PCBP3: variants seen among roughly 807,000 people sequenced by gnomAD.
PCBP3 encodes the protein poly(rC)-binding protein 3.
In PCBP3, 25 loss-of-function variants were observed where a neutral mutation model predicts 52.7. That is an observed-to-expected ratio of 0.47 (90% CI 0.35 to 0.66). PCBP3 has a LOEUF of 0.66. Among genes scored for constraint, PCBP3 ranks in the 30% least tolerant of loss-of-function variants. PCBP3 has a pLI of 0.01. For synonymous variants in PCBP3, 162 were observed against 183.0 expected (o/e 0.89, Z 0.93); for missense variants, 391 against 490.3 (o/e 0.80, Z 1.91).
At chr21:45,927,693 T>G (rs1341551127) in intron 13 of PCBP3, among the ~76,000 whole-genome samples, 1 of 151,964 alleles carries the variant, frequency 6.6e-6, no homozygotes, top group African/African-American at 2.4e-5. Context: ...TGTGGTCATT[T>G]CATCATAAAA....
chr21:45,832,221 A>G (rs4819153), intron 4 of PCBP3, among the ~76,000 whole-genome samples: 115,995 of 152,112 alleles, frequency 0.76, 44,584 homozygotes, highest in East Asian at 0.93. Context: ...TTGCCATGGC[A>G]TTTGTAAACT....
chr21:45,785,591 TGAG>T (rs1569220606), intron 4 of PCBP3, among the ~76,000 whole-genome samples: 1 of 151,100 alleles, frequency 6.6e-6, no homozygotes. Flanking sequence ...TACTGGGAAG[TGAG>T]GAGCCCCTCT....
chr21:45,756,926 C>T (rs533713384), intron 4 of PCBP3, among the ~76,000 whole-genome samples: 2 of 152,296 alleles, frequency 1.3e-5, no homozygotes, highest in African/African-American at 4.8e-5. Context: ...AGTTCGTTTA[C>T]ACTTTTTGGG....
In PCBP3 at chr21:45,880,571, A is replaced by G. The variant is rs1009401080; in HGVS notation, c.11-15637A>G. Among the ~76,000 whole-genome samples the G allele has an allele frequency of 1.3e-5, 2 of 152,144 alleles. No homozygotes were observed. Among genetic ancestry groups the G allele is most frequent in the African/African-American group, 4.8e-5 (2 of 41,428 alleles). On this transcript the variant is annotated intron_variant, in intron 5 of 17. Coordinates refer to ENST00000681687, the MANE Select transcript of PCBP3 (RefSeq NM_001384156.1). This position sits in a 1 kb window ranked among gnomAD's most constrained non-coding sequence, Gnocchi z 5.4. ...CAGTGCTCATGGTGTGAATCTGTCT[A>G]ATCCTTAAATACATACTGCGCCCCC...
chr21:45,680,726 G>A (rs966779059), intron 2 of PCBP3, among the ~76,000 whole-genome samples: 11 of 152,184 alleles, frequency 7.2e-5, no homozygotes, highest in Admixed American at 4.6e-4. Context: ...CCAGCACTAC[G>A]TGGAATATAA....
intron 2 of PCBP3, among the ~76,000 whole-genome samples, chr21:45,699,055 G>A (rs1435131659): frequency 2.6e-5 from 4 of 152,128 alleles, no homozygotes; most frequent in Non-Finnish European, 4.4e-5. Flanking sequence ...GCTCATTAAC[G>A]TCACCTGCCA....
At chr21:45,919,816 TGTG>T (rs1475415219) in intron 13 of PCBP3, among the ~76,000 whole-genome samples, 1 of 136,252 alleles carries the variant, frequency 7.3e-6, no homozygotes, top group African/African-American at 3.0e-5. Flanking sequence ...GAAGCAGAGG[TGTG>T]TGTGTGTGTG....
At position 45,904,790 on chromosome 21, in the gene PCBP3, T is replaced by G. The variant is rs1291015407; in HGVS notation, c.339+3677T>G. Among the ~76,000 whole-genome samples, 5 of 152,162 alleles carry G rather than the reference T, an allele frequency of 3.3e-5. No homozygotes were observed. Among genetic ancestry groups the G allele is most frequent in the Admixed American group, 3.3e-4 (5 of 15,274 alleles). ...TCAGAGGGCCCTTGAGTCGTCGCTC[T>G]GGGGCCGTGTCTCACCCTCACACCA... On this transcript the variant is annotated intron_variant, in intron 9 of 17. Coordinates refer to ENST00000681687, the MANE Select transcript of PCBP3 (RefSeq NM_001384156.1). This position sits in a 1 kb window ranked among gnomAD's most constrained non-coding sequence, Gnocchi z 4.8.
At chr21:45,683,752 C>T (rs1204443528) in intron 2 of PCBP3, among the ~76,000 whole-genome samples, 6 of 151,824 alleles carry the variant, frequency 4.0e-5, no homozygotes, top group South Asian at 2.1e-4. Context: ...CGATGAAACC[C>T]GGTCTCTACT....
intron 6 of PCBP3, among the ~76,000 whole-genome samples, chr21:45,899,128 C>T (rs1416847564): frequency 6.6e-6 from 1 of 152,278 alleles, no homozygotes; most frequent in Admixed American, 6.5e-5. Context: ...GCCATCAGAA[C>T]TGTGGCAGCA....
chr21:45,663,885 C>T (rs1228728326), intron 1 of PCBP3, among the ~76,000 whole-genome samples: 1 of 151,944 alleles, frequency 6.6e-6, no homozygotes, highest in Non-Finnish European at 1.5e-5. Flanking sequence ...TGATTGTTTT[C>T]CCTAACTCTA....
At chr21:45,852,479 T>C (rs56313729) in intron 5 of PCBP3, among the ~76,000 whole-genome samples, 10 of 67,552 alleles carry the variant, frequency 1.5e-4, no homozygotes, top group African/African-American at 3.9e-4. Context: ...ACCCTGACTT[T>C]TGTTCAGAAG....
intron 4 of PCBP3, among the ~76,000 whole-genome samples, chr21:45,834,114 C>T (rs2093521114): frequency 6.6e-6 from 1 of 152,082 alleles, no homozygotes; most frequent in African/African-American, 2.4e-5. Flanking sequence ...CAGGCTGAGA[C>T]TGCCACCGAT....
chr21:45,775,422 T>A (rs2090180863), intron 4 of PCBP3, among the ~76,000 whole-genome samples: 1 of 152,062 alleles, frequency 6.6e-6, no homozygotes, highest in Admixed American at 6.6e-5. Context: ...CTTTTTTATT[T>A]AAAAAAATTT....
At chr21:45,886,579 G>A (rs59783914) in intron 5 of PCBP3, among the ~76,000 whole-genome samples, 8 of 50,410 alleles carry the variant, frequency 1.6e-4, no homozygotes, top group East Asian at 2.6e-3. Flanking sequence ...CCTCATTGCC[G>A]CTGGTACCAA....
intron 4 of PCBP3, 32 bp from the exon 5 acceptor site, chr21:45,849,929 C>G: frequency 1.4e-6 from 1 of 696,168 alleles, no homozygotes; most frequent in South Asian, 1.7e-5. Context: ...TGCACTGGTG[C>G]GCTCACACAG....
chr21:45,917,767 G>A lies in PCBP3; in HGVS notation c.717+138G>A, dbSNP rs545351321. 2.9e-5 allele frequency: 22 copies of A among 768,434 alleles called. No homozygotes were observed. The highest frequency in any genetic ancestry group is 2.2e-4 in the Middle Eastern group (1 of 4,466). The allele number at this position is 768,434 out of a possible 1,614,324, so 47.6% of individuals were successfully genotyped here. A position where few individuals can be genotyped will look rare whatever the true frequency, so the allele number is the denominator to read the frequency against. Reference sequence around the variant, plus strand: ...CTTCTCAGCGTTCCTGACCTGTGTCGTATCCATATGACCTCGAATAACCTT... The same window carrying A: ...CTTCTCAGCGTTCCTGACCTGTGTCATATCCATATGACCTCGAATAACCTT... On this transcript the variant is annotated intron_variant, in intron 13 of 17. Transcript: ENST00000681687. The surrounding 1 kb of genome is among the most constrained non-coding windows in gnomAD (Gnocchi z 5.3).
intron 4 of PCBP3, among the ~76,000 whole-genome samples, chr21:45,765,148 C>A (rs2145623046): frequency 6.6e-6 from 1 of 152,272 alleles, no homozygotes; most frequent in African/African-American, 2.4e-5. Context: ...GGATGGTGCC[C>A]TTTAGGGGAA....
At chr21:45,876,021 C>T (rs1005942479) in intron 5 of PCBP3, among the ~76,000 whole-genome samples, 2 of 152,172 alleles carry the variant, frequency 1.3e-5, no homozygotes, top group African/African-American at 4.8e-5. Flanking sequence ...GGAATGTTCC[C>T]GCTGGACCCT....
Sources: allele counts gnomAD v4.1 joint callset (sites outside exome capture counted in the v4.1 genomes callset), GRCh38; gene constraint gnomAD v4.1.1; non-coding constraint Gnocchi (gnomAD v3.1); transcripts MANE v1.5; gene names NCBI Gene and HGNC (gene_info 2026-07-23, HGNC 2026-07-21).